The following TSNARE1 variants were observed in gnomAD, a reference collection of about 807,000 sequenced individuals.
The protein encoded by TSNARE1 is t-SNARE domain-containing protein 1.
TSNARE1 carries 49 observed loss-of-function variants against 62.0 expected under a neutral mutation model. The ratio of observed to expected loss-of-function variants is 0.79; its 90% CI spans 0.63 to 1.00. The LOEUF (loss-of-function observed/expected upper bound fraction) is 1.00, where lower values mean the gene tolerates loss of function less well. TSNARE1 is among the 50% of genes least tolerant of loss of function. The probability of loss-of-function intolerance (pLI) is 0.00; values close to 1 mark genes in which losing one functional copy is unlikely to be tolerated. For missense variants in TSNARE1, 755 were observed against 700.1 expected (o/e 1.08, Z -0.88); for synonymous variants, 328 against 294.4 (o/e 1.11, Z -1.17).
At chr8:142,317,047 G>A (rs1356968054) in intron 7 of TSNARE1, among the ~76,000 whole-genome samples, 1 of 151,774 alleles carries the variant, frequency 6.6e-6, no homozygotes, top group Non-Finnish European at 1.5e-5. Flanking sequence ...TGAAGCAGGT[G>A]CGGCCAGCAG....
At chr8:142,343,883 C>T (rs1294724150) in intron 4 of TSNARE1, 83 bp downstream of exon 4, 1 of 1,328,120 alleles carries the variant, frequency 7.5e-7, no homozygotes. Flanking sequence ...GAGGAAGATG[C>T]AGGGCAACAT....
intron 8 of TSNARE1, 123 bp downstream of exon 8, chr8:142,314,880 C>T: frequency 1.1e-6 from 1 of 912,782 alleles, no homozygotes; most frequent in Non-Finnish European, 1.8e-6. Flanking sequence ...CAACCCTCTT[C>T]TCTGCCTTTG....
At chr8:142,311,555 C>T (rs1827632959) in intron 9 of TSNARE1, among the ~76,000 whole-genome samples, 1 of 152,090 alleles carries the variant, frequency 6.6e-6, no homozygotes, top group Non-Finnish European at 1.5e-5. Flanking sequence ...CCTCGGCCTC[C>T]CAAAGTGCTG....
At chr8:142,266,586 G>T (rs1819146339) in intron 12 of TSNARE1, among the ~76,000 whole-genome samples, 1 of 152,210 alleles carries the variant, frequency 6.6e-6, no homozygotes, top group Non-Finnish European at 1.5e-5. Context: ...AATGTGAAAT[G>T]TCGGCAAATT....
intron 10 of TSNARE1, among the ~76,000 whole-genome samples, chr8:142,298,009 G>A (rs1049072336): frequency 1.3e-5 from 2 of 152,172 alleles, no homozygotes; most frequent in African/African-American, 4.8e-5. Flanking sequence ...GGCTGGCCAT[G>A]GGGCCTGCCC....
At chr8:142,217,301 GAAAA>G (rs1404828831) in intron 13 of TSNARE1, among the ~76,000 whole-genome samples, 7 of 33,390 alleles carry the variant, frequency 2.1e-4, no homozygotes, top group Admixed American at 1.6e-3. Context: ...AAGAAAGAAA[GAAAA>G]AGAAAGAAAG....
chr8:142,255,878 CCAT>C (rs1818467619), intron 12 of TSNARE1, among the ~76,000 whole-genome samples: 1 of 84,926 alleles, frequency 1.2e-5, no homozygotes, highest in African/African-American at 3.9e-5. Context: ...ACCATCATCA[CCAT>C]CACCACCACC....
chr8:142,311,525 A>C (rs1458271528), intron 9 of TSNARE1, among the ~76,000 whole-genome samples: 1 of 149,900 alleles, frequency 6.7e-6, no homozygotes, highest in African/African-American at 2.5e-5. Context: ...TCGAACTCCC[A>C]ACCTCAGGTG....
chr8:142,346,572 C>A (rs1833393360), intron 2 of TSNARE1, among the ~76,000 whole-genome samples: 2 of 152,262 alleles, frequency 1.3e-5, no homozygotes, highest in Admixed American at 1.3e-4. Flanking sequence ...ATCCACGGCA[C>A]CCCAGAGTCA....
intron 12 of TSNARE1, among the ~76,000 whole-genome samples, chr8:142,234,038 A>G (rs1817262726): frequency 6.6e-6 from 1 of 152,228 alleles, no homozygotes; most frequent in South Asian, 2.1e-4. Flanking sequence ...CAGTGGAAAC[A>G]TGGTAACCAA....
chr8:142,383,490 G>A (rs1319238329), intron 1 of TSNARE1, among the ~76,000 whole-genome samples: 1 of 152,172 alleles, frequency 6.6e-6, no homozygotes. Flanking sequence ...GCCAGGCGCT[G>A]TCCGTGGTGC....
Position 142,344,479 on chromosome 8 carries a change from A to T in TSNARE1, c.239-7T>A. 1 of 1,516,626 alleles carries T rather than the reference A, an allele frequency of 6.6e-7. No homozygotes were observed. The allele number at this position is 1,516,626 out of a possible 1,614,324, so 93.9% of individuals were successfully genotyped here. On this transcript the variant is annotated splice_polypyrimidine_tract_variant and splice_region_variant and intron_variant, in intron 3 of 13. Transcript: ENST00000524325. ...TCAGGGGCAACCCCAGGCCCTGGAAAGGCACCAAAAGGCGGATGTTTAAGG... is the reference window on the plus strand; with the variant it reads ...TCAGGGGCAACCCCAGGCCCTGGAATGGCACCAAAAGGCGGATGTTTAAGG...
At chr8:142,273,312 T>C (rs866127724) in intron 12 of TSNARE1, 22 of 985,426 alleles carry the variant, frequency 2.2e-5, no homozygotes, top group Middle Eastern at 5.2e-4. Context: ...GGCTTTCCTC[T>C]TGAAACAAGG....
intron 10 of TSNARE1, among the ~76,000 whole-genome samples, chr8:142,285,809 A>T (rs1822642845): frequency 6.6e-6 from 1 of 151,610 alleles, no homozygotes; most frequent in Non-Finnish European, 1.5e-5. Flanking sequence ...CTTTACCCTA[A>T]CTCCTTTTTC....
At chr8:142,277,449 C>T (rs1820688259) in intron 11 of TSNARE1, 2 of 985,354 alleles carry the variant, frequency 2.0e-6, no homozygotes, top group Non-Finnish European at 2.4e-6. Flanking sequence ...ACCAGCCCTG[C>T]AGGCCTGGCC....
intron 10 of TSNARE1, among the ~76,000 whole-genome samples, chr8:142,287,122 GA>G (rs1432901828): frequency 7.9e-5 from 12 of 152,138 alleles, no homozygotes; most frequent in African/African-American, 2.2e-4. Flanking sequence ...CACCCTCCAG[GA>G]TGTGGAACCC....
At position 142,381,888 on chromosome 8, in the gene TSNARE1, G is replaced by A. The variant is rs147003025; in HGVS notation, c.-40+21216C>T. ...CCGCGGGTGCCGCAGCTCATCCTGC[G>A]TGTGGGAGACACTGAGTCACAGCCA... On this transcript the variant is annotated intron_variant, in intron 1 of 13. Coordinates refer to ENST00000524325, the MANE Select transcript of TSNARE1 (RefSeq NM_145003.5). Among the ~76,000 whole-genome samples, 769 of 152,292 alleles carry A rather than the reference G, an allele frequency of 5.0e-3. 4 individuals are homozygous for A. Among genetic ancestry groups the A allele is most frequent in the Non-Finnish European group, 8.9e-3 (608 of 68,012 alleles).
chr8:142,316,107 G>GT lies in TSNARE1; in HGVS notation c.985-1016dup, dbSNP rs1274441589. ...ACCTCACGTAAGCGCAGCGCCTCCC[G>GT]TAAGAGGGACCCAGCGTGTATTCTT... On this transcript the variant is annotated intron_variant, in intron 7 of 13. Transcript: ENST00000524325. Among the ~76,000 whole-genome samples the GT allele has an allele frequency of 3.4e-5, 5 of 147,002 alleles. 1 individual carries two copies. Among genetic ancestry groups the GT allele is most frequent in the Admixed American group, 2.3e-4 (3 of 13,000 alleles).
At chr8:142,370,743 C>T (rs189599677) in intron 1 of TSNARE1, among the ~76,000 whole-genome samples, 57 of 150,774 alleles carry the variant, frequency 3.8e-4, no homozygotes, top group African/African-American at 1.2e-3. Context: ...AGACTGCATG[C>T]AAAGAAATGA....
Sources: gnomAD v4.1 joint callset for allele counts (sites outside exome capture counted in the v4.1 genomes callset) on GRCh38, gnomAD v4.1.1 for gene constraint, MANE v1.5 for transcripts, NCBI Gene and HGNC (gene_info 2026-07-23, HGNC 2026-07-21) for gene names.